The following UNC13C variants were observed in gnomAD, a reference collection of about 807,000 sequenced individuals.
UNC13C encodes the protein unc-13 homolog C, also known as protein unc-13 homolog C.
In UNC13C, 174 loss-of-function variants were observed where a neutral mutation model predicts 245.4. The ratio of observed to expected loss-of-function variants is 0.71; its 90% CI spans 0.63 to 0.80. UNC13C has a LOEUF of 0.80. Ranked by LOEUF, UNC13C falls within the 30% of genes least tolerant of loss-of-function variation. UNC13C has a pLI of 0.00. For synonymous variants in UNC13C, 992 were observed against 895.1 expected, an observed-to-expected ratio of 1.11 and a Z score of -1.93; for missense variants, 2,829 against 2,602.9, an observed-to-expected ratio of 1.09 and a Z score of -1.89.
chr15:53,891,435 G>A, the UNC13C span, among the ~76,000 whole-genome samples: 50 of 152,162 alleles, frequency 3.3e-4, no homozygotes, highest in African/African-American at 9.9e-4. Flanking sequence ...TTTCTGTCTC[G>A]TTGATTTGTC....
At chr15:54,163,999 T>C (rs1474367233) in intron 4 of UNC13C, among the ~76,000 whole-genome samples, 1 of 152,174 alleles carries the variant, frequency 6.6e-6, no homozygotes, top group African/African-American at 2.4e-5. Context: ...GGTGGGAGTT[T>C]GCTAAGAGAG....
intron 4 of UNC13C, among the ~76,000 whole-genome samples, chr15:54,203,010 T>C (rs1432167995): frequency 6.6e-6 from 1 of 151,628 alleles, no homozygotes; most frequent in East Asian, 1.9e-4. Flanking sequence ...AGGACATAAA[T>C]ATACAATTCT....
chr15:54,218,259 A>G lies in UNC13C; in HGVS notation c.3072-16771A>G, dbSNP rs76548016. Among the ~76,000 whole-genome samples, 616 of 152,128 alleles carry G rather than the reference A, an allele frequency of 4.0e-3. 5 individuals are homozygous for G. The highest frequency in any genetic ancestry group is 0.04 in the East Asian group (206 of 5,166). ...GCTGGCAACACATTTGAGGGAAAAC[A>G]GACATAATTTTCTCCTCCTCTTTCT... On this transcript the variant is annotated intron_variant, in intron 4 of 32. Transcript: ENST00000260323.
chr15:54,585,931 C>G (rs1286683657), intron 30 of UNC13C, among the ~76,000 whole-genome samples: 1 of 152,166 alleles, frequency 6.6e-6, no homozygotes, highest in Admixed American at 6.5e-5. Flanking sequence ...AGACAATTGG[C>G]TTTATCCAAA....
At chr15:54,536,962 T>G (rs1368775210) in intron 26 of UNC13C, among the ~76,000 whole-genome samples, 1 of 152,058 alleles carries the variant, frequency 6.6e-6, no homozygotes, top group Non-Finnish European at 1.5e-5. Context: ...TTCAACATAG[T>G]ACTAGAAGTC....
chr15:54,028,407 C>G (rs913275284), intron 2 of UNC13C, among the ~76,000 whole-genome samples: 7 of 152,178 alleles, frequency 4.6e-5, no homozygotes, highest in African/African-American at 1.7e-4. Context: ...CTTTCCCCAT[C>G]CCTGCTCTGC....
chr15:54,263,275 ACATGAC>A (rs1179945568), intron 8 of UNC13C, among the ~76,000 whole-genome samples: 1 of 152,182 alleles, frequency 6.6e-6, no homozygotes, highest in Admixed American at 6.5e-5. Flanking sequence ...AGACACTGGT[ACATGAC>A]CTTTTGCTTT....
intron 31 of UNC13C, 120 bp from the exon 32 acceptor site, chr15:54,623,675 T>A: frequency 1.2e-6 from 1 of 834,648 alleles, no homozygotes; most frequent in Non-Finnish European, 1.9e-6. Context: ...TGGAGTACAG[T>A]GTCTTGTCAG....
chr15:54,236,110 ATG>A (rs915206033), intron 5 of UNC13C, among the ~76,000 whole-genome samples: 2 of 152,110 alleles, frequency 1.3e-5, no homozygotes, highest in African/African-American at 4.8e-5. Context: ...TATATGTGAT[ATG>A]AAAAATATAT....
intron 17 of UNC13C, among the ~76,000 whole-genome samples, chr15:54,376,081 C>T (rs1209861445): frequency 1.3e-5 from 2 of 151,790 alleles, no homozygotes; most frequent in East Asian, 3.9e-4. Flanking sequence ...ATCCTTAATT[C>T]CTGGAGAAGA....
intron 13 of UNC13C, among the ~76,000 whole-genome samples, chr15:54,309,699 G>T (rs574422294): frequency 1.3e-5 from 2 of 151,790 alleles, no homozygotes; most frequent in South Asian, 2.1e-4. Context: ...GGATAAGGGT[G>T]GGTCAAATTG....
At chr15:54,577,837 T>C (rs185176887) in intron 30 of UNC13C, among the ~76,000 whole-genome samples, 2 of 152,346 alleles carry the variant, frequency 1.3e-5, no homozygotes, top group Admixed American at 1.3e-4. Context: ...TATACTCTGA[T>C]ACTTGAAAAA....
chr15:54,219,851 A>G (rs1032635847), intron 4 of UNC13C, among the ~76,000 whole-genome samples: 1 of 151,946 alleles, frequency 6.6e-6, no homozygotes, highest in Non-Finnish European at 1.5e-5. Context: ...AAAAATGCTC[A>G]TCATCACTGG....
chr15:54,383,212 A>G (rs766279789), intron 17 of UNC13C, among the ~76,000 whole-genome samples: 4 of 152,150 alleles, frequency 2.6e-5, no homozygotes, highest in Non-Finnish European at 5.9e-5. Context: ...TTTTCCTAAT[A>G]CTCAAACCAG....
At chr15:54,236,193 T>A (rs1159730770) in intron 5 of UNC13C, among the ~76,000 whole-genome samples, 3 of 152,180 alleles carry the variant, frequency 2.0e-5, no homozygotes, top group East Asian at 3.9e-4. Flanking sequence ...AATTTTTAAT[T>A]TTGCTAAGAA....
chr15:53,846,707 GTACTA>G, the UNC13C span, among the ~76,000 whole-genome samples: 16 of 152,120 alleles, frequency 1.1e-4, no homozygotes, highest in African/African-American at 3.9e-4. Flanking sequence ...TGTCCAGATT[GTACTA>G]TATAGAAGAG....
At chr15:53,989,231 T>C (rs1595683615) in intron 1 of UNC13C, among the ~76,000 whole-genome samples, 1 of 151,930 alleles carries the variant, frequency 6.6e-6, no homozygotes, top group Admixed American at 6.6e-5. Context: ...CTAGACACTG[T>C]ATCTCAATTG....
chr15:54,162,661 T>C (rs950770431), intron 4 of UNC13C, among the ~76,000 whole-genome samples: 2 of 152,204 alleles, frequency 1.3e-5, no homozygotes, highest in African/African-American at 4.8e-5. Context: ...GTGAGAAAGA[T>C]TTCCTGGAAC....
At chr15:54,027,365 TCTC>T (rs1896156037) in intron 2 of UNC13C, among the ~76,000 whole-genome samples, 1 of 152,056 alleles carries the variant, frequency 6.6e-6, no homozygotes, top group African/African-American at 2.4e-5. Context: ...CCTGTTGAAC[TCTC>T]CTCTTTTGTT....
Sources: allele counts gnomAD v4.1 joint callset (sites outside exome capture counted in the v4.1 genomes callset), GRCh38; gene constraint gnomAD v4.1.1; transcripts MANE v1.5; gene names NCBI Gene and HGNC (gene_info 2026-07-23, HGNC 2026-07-21).